The following TMEM248 variants were observed in gnomAD, a reference collection of about 807,000 sequenced individuals.
The protein encoded by TMEM248 is UPF0458 protein C7orf42.
In TMEM248, 9 loss-of-function variants were observed where a neutral mutation model predicts 30.3. The observed-to-expected ratio is 0.30, with a 90% confidence interval of 0.18 to 0.52. The LOEUF is 0.52. TMEM248 is among the 20% of genes least tolerant of loss of function. The probability of loss-of-function intolerance (pLI) is 0.97; values close to 1 mark genes in which losing one functional copy is unlikely to be tolerated. For synonymous variants in TMEM248, 184 were observed against 154.4 expected (o/e 1.19, Z -1.42); for missense variants, 338 against 403.3 (o/e 0.84, Z 1.39).
intron 3 of TMEM248, among the ~76,000 whole-genome samples, chr7:66,945,924 A>G (rs1428311777): frequency 6.6e-6 from 1 of 152,176 alleles, no homozygotes; most frequent in African/African-American, 2.4e-5. Context: ...TCTCTACTAA[A>G]AATACAAAAA....
intron 1 of TMEM248, among the ~76,000 whole-genome samples, chr7:66,928,907 C>T (rs1430745444): frequency 6.6e-6 from 1 of 152,136 alleles, no homozygotes; most frequent in Non-Finnish European, 1.5e-5. Context: ...TCCACCTCAG[C>T]CTCCCAAGTA....
intron 5 of TMEM248, among the ~76,000 whole-genome samples, chr7:66,952,089 T>A (rs896490363): frequency 6.6e-5 from 10 of 152,056 alleles, no homozygotes; most frequent in East Asian, 3.9e-4. Context: ...ATTTTAATTT[T>A]TTTTTATTTT....
chr7:66,953,150 C>G (rs896984490), intron 5 of TMEM248, 76 bp from the exon 6 acceptor site: 2 of 1,513,612 alleles, frequency 1.3e-6, no homozygotes, highest in African/African-American at 2.8e-5. Context: ...TCAATCCTGT[C>G]TCTCAAAACC....
At chr7:66,954,176 T>C (rs999690370) in intron 6 of TMEM248, among the ~76,000 whole-genome samples, 8 of 151,634 alleles carry the variant, frequency 5.3e-5, no homozygotes, top group African/African-American at 1.7e-4. Flanking sequence ...ACTGCTGTTA[T>C]CAAGTGATCC....
intron 1 of TMEM248, among the ~76,000 whole-genome samples, chr7:66,935,248 T>C (rs1217146104): frequency 6.7e-6 from 1 of 150,322 alleles, no homozygotes; most frequent in South Asian, 2.2e-4. Flanking sequence ...AGTGGCGCAA[T>C]CTCAGCTCAC....
chr7:66,951,154 G>A lies in TMEM248; in HGVS notation c.780+19G>A. The A allele has an allele frequency of 6.5e-7, 1 of 1,548,354 alleles. No homozygotes were observed. The highest frequency in any genetic ancestry group is 8.7e-7 in the Non-Finnish European group (1 of 1,146,864). ...TCCAGATGTAAGTGAGAAAAATTGT[G>A]TGTGTGTGTGTGCGTGCATGCATAT... is the stretch of plus-strand genomic sequence containing the variant. On this transcript the variant is annotated intron_variant, in intron 5 of 6. Transcript: ENST00000341567.
rs769197424 is a variant in TMEM248 at position 66,945,273 on chromosome 7, C to T, written c.445+12C>T. On this transcript the variant is annotated intron_variant, in intron 3 of 6. Transcript: ENST00000341567. ...GATTGGACTTTCAGGTATGCAGTAGCCACTCTCCACTCAGGCTCCTTAGGC... is the reference window on the plus strand; with the variant it reads ...GATTGGACTTTCAGGTATGCAGTAGTCACTCTCCACTCAGGCTCCTTAGGC... The T allele has an allele frequency of 6.2e-7, 1 of 1,608,640 alleles. No individual in the cohort carries two copies. The highest frequency in any genetic ancestry group is 1.7e-5 in the Admixed American group (1 of 59,906).
chr7:66,944,957 T>G lies in TMEM248; in HGVS notation c.160-19T>G. ...GGCGCTGCTTAACACCCATTTCTCT[T>G]TCTTTCACTTTCCCAAAGGATTGGA... On this transcript the variant is annotated intron_variant, in intron 2 of 6. Coordinates refer to ENST00000341567, the MANE Select transcript of TMEM248 (RefSeq NM_017994.5). 2 of 1,612,464 alleles carry G rather than the reference T, an allele frequency of 1.2e-6. No homozygotes were observed. Among genetic ancestry groups the G allele is most frequent in the Non-Finnish European group, 1.7e-6 (2 of 1,178,618 alleles).
intron 1 of TMEM248, chr7:66,921,695 G>T (rs1791389111): frequency 6.6e-6 from 1 of 152,300 alleles, no homozygotes; most frequent in Non-Finnish European, 1.5e-5. Flanking sequence ...AGGGTTCCCT[G>T]CCGGCCTTGG....
At chr7:66,952,220 C>T (rs1792285565) in intron 5 of TMEM248, among the ~76,000 whole-genome samples, 1 of 152,114 alleles carries the variant, frequency 6.6e-6, no homozygotes, top group South Asian at 2.1e-4. Flanking sequence ...ATTACAGGCA[C>T]CTGCCAACAC....
At chr7:66,955,327 G>A (rs1792373945) in intron 6 of TMEM248, among the ~76,000 whole-genome samples, 175 bp from the exon 7 acceptor site, 1 of 152,218 alleles carries the variant, frequency 6.6e-6, no homozygotes, top group Admixed American at 6.5e-5. Flanking sequence ...CGTCTTGCAG[G>A]AGACTTTGAG....
At position 66,951,069 on chromosome 7, in the gene TMEM248, T is replaced by G; in HGVS notation, c.714T>G (p.Cys238Trp). The G allele has an allele frequency of 6.2e-7, 1 of 1,611,144 alleles. No homozygotes were observed. The highest frequency in any genetic ancestry group is 2.2e-5 in the East Asian group (1 of 44,782). ...CCCAAGATTACAATCCTTTCTGGTG[T>G]TATAAGGGGGCCATTGGAAAAGTCT... is the stretch of plus-strand genomic sequence containing the variant. ...KYAQDYNPFW[C>W]YKGAIGKVYH... The change falls in exon 5 of 7, where the codon TGT (cysteine) becomes TGG (tryptophan). Residue 238 changes from cysteine to tryptophan, a missense_variant. Transcript: ENST00000341567.
At position 66,945,083 on chromosome 7, in the gene TMEM248, G is replaced by C; in HGVS notation, c.267G>C (p.Met89Ile). 6.2e-7 allele frequency: 1 copy of C among 1,614,218 alleles called. No individual in the cohort carries two copies. The highest frequency in any genetic ancestry group is 8.5e-7 in the Non-Finnish European group (1 of 1,180,046). ...ACACCACAACTCCGGAAAGTACAAT[G>C]ACCAGCGGGCAGGCCCGAGCTTCCA... ...TNDTTTPESTMTSGQARASTQ... is the reference protein window; with the variant it reads ...TNDTTTPESTITSGQARASTQ... The change falls in exon 3 of 7, where the codon ATG becomes ATC. Residue 89 changes from methionine (M) to isoleucine (I), a missense_variant. Coordinates refer to ENST00000341567, the MANE Select transcript of TMEM248 (RefSeq NM_017994.5).
chr7:66,932,181 G>GT (rs1488721003), intron 1 of TMEM248, among the ~76,000 whole-genome samples: 2 of 152,080 alleles, frequency 1.3e-5, no homozygotes, highest in African/African-American at 4.8e-5. Flanking sequence ...TTGCCATTAT[G>GT]TATTGGTGAA....
At chr7:66,923,120 T>A (rs1255790261) in intron 1 of TMEM248, among the ~76,000 whole-genome samples, 1 of 151,952 alleles carries the variant, frequency 6.6e-6, no homozygotes, top group Non-Finnish European at 1.5e-5. Flanking sequence ...CTGTTCAGGA[T>A]TTTGTTATGG....
chr7:66,948,653 C>T lies in TMEM248; in HGVS notation c.555C>T (p.Cys185=). The T allele has an allele frequency of 6.2e-7, 1 of 1,613,980 alleles. No homozygotes were observed. The highest frequency in any genetic ancestry group is 1.1e-5 in the South Asian group (1 of 91,086). Residue 185 remains cysteine (C), a synonymous_variant, in exon 4 of 7, where the codon TGC becomes TGT. Coordinates refer to ENST00000341567, the MANE Select transcript of TMEM248 (RefSeq NM_017994.5). ...GTGAGCAGGTGGTATTCACAGCCTG[C>T]ATGACCCTCACGGCCAGCCCTGGGG... The part of the protein sequence containing the change: ...GHCEQVVFTA[C]MTLTASPGVF...
At chr7:66,937,051 T>G (rs1227253435) in intron 1 of TMEM248, among the ~76,000 whole-genome samples, 1 of 152,188 alleles carries the variant, frequency 6.6e-6, no homozygotes, top group Non-Finnish European at 1.5e-5. Context: ...TAGGTGCTTA[T>G]AGCTATAAAC....
Position 66,935,986 on chromosome 7 carries a change from T to C in TMEM248, c.-18-5862T>C, listed in dbSNP as rs568835049. 4.9e-4 allele frequency among the ~76,000 whole-genome samples: 74 copies of C among 152,382 alleles called. 1 individual carries two copies. Among genetic ancestry groups the C allele is most frequent in the African/African-American group, 1.7e-3 (70 of 41,592 alleles). The stretch of plus-strand genomic sequence containing the variant: ...GATGGAGTATTTAGATTTATCCAAA[T>C]ATAAGATCATACCATCTGCAAACAA... On this transcript the variant is annotated intron_variant, in intron 1 of 6. Coordinates refer to ENST00000341567, the MANE Select transcript of TMEM248 (RefSeq NM_017994.5).
chr7:66,935,949 T>C (rs957425627), intron 1 of TMEM248, among the ~76,000 whole-genome samples: 4 of 152,240 alleles, frequency 2.6e-5, no homozygotes, highest in African/African-American at 9.6e-5. Flanking sequence ...GGTCTATCAG[T>C]TCTAGTTTTT....
Sources: gnomAD v4.1 joint callset for allele counts (sites outside exome capture counted in the v4.1 genomes callset) on GRCh38, gnomAD v4.1.1 for gene constraint, MANE v1.5 for transcripts, NCBI Gene and HGNC (gene_info 2026-07-23, HGNC 2026-07-21) for gene names.